STEAP1B: variants seen among roughly 807,000 people sequenced by gnomAD.
STEAP1B encodes the protein STEAP family member 1B, also known as STEAP family protein MGC87042.
A neutral mutation model predicts 27.9 loss-of-function variants in STEAP1B; 13 were observed. The observed-to-expected ratio is 0.47, with a 90% CI of 0.30 to 0.74. STEAP1B has a LOEUF of 0.74. Ranked by LOEUF, STEAP1B falls within the 30% of genes least tolerant of loss-of-function variation. The pLI, the probability that STEAP1B is intolerant of heterozygous loss-of-function variation, is 0.06. For missense variants in STEAP1B, 250 were observed against 298.7 expected, an observed-to-expected ratio of 0.84 and a Z score of 1.20; for synonymous variants, 86 against 107.1, an observed-to-expected ratio of 0.80 and a Z score of 1.22.
At chr7:22,464,079 G>T (rs557187629) in intron 4 of STEAP1B, among the ~76,000 whole-genome samples, 1 of 152,334 alleles carries the variant, frequency 6.6e-6, no homozygotes, top group East Asian at 1.9e-4. Context: ...CTAATATCCA[G>T]AATCTACAAT....
In STEAP1B at chr7:22,492,744, A is replaced by G. The variant is rs1786353015; in HGVS notation, c.598-15T>C. ...TTTTGTTGGACCTACCAGAAGGTAA[A>G]TAAAGAAAGAAGAAATGCAAACAAC... On this transcript the variant is annotated splice_polypyrimidine_tract_variant and intron_variant, in intron 3 of 4. Coordinates refer to ENST00000678116, the MANE Select transcript of STEAP1B (RefSeq NM_001382447.1). The G allele has an allele frequency of 6.3e-7, 1 of 1,575,722 alleles. No individual in the cohort carries two copies. Among genetic ancestry groups the G allele is most frequent in the Admixed American group, 1.9e-5 (1 of 52,660 alleles).
intron 4 of STEAP1B, among the ~76,000 whole-genome samples, chr7:22,489,460 G>A (rs890578067): frequency 2.6e-5 from 4 of 152,138 alleles, no homozygotes; most frequent in Non-Finnish European, 5.9e-5. Flanking sequence ...ATAAGCCCAA[G>A]TACCTGTGAC....
intron 4 of STEAP1B, among the ~76,000 whole-genome samples, chr7:22,491,896 T>C (rs1189372348): frequency 6.6e-6 from 1 of 152,106 alleles, no homozygotes; most frequent in Non-Finnish European, 1.5e-5. Flanking sequence ...GACAGTAATA[T>C]GAGGATGTTT....
At chr7:22,462,459 C>T (rs942799148) in intron 4 of STEAP1B, among the ~76,000 whole-genome samples, 5 of 129,262 alleles carry the variant, frequency 3.9e-5, no homozygotes, top group African/African-American at 1.5e-4. Context: ...TCAATTCCCA[C>T]CTATGAGTGA....
chr7:22,419,524 C>A lies in STEAP1B; in HGVS notation c.*280G>T. ...AACACATTTGATTATCATGTCTGAT[C>A]CTCGTGTCGGGATAGGCTAGGTTAG... On this transcript the variant is annotated 3_prime_UTR_variant, in exon 5 of 5. Coordinates refer to ENST00000678116, the MANE Select transcript of STEAP1B (RefSeq NM_001382447.1). The A allele has an allele frequency of 3.7e-6, 1 of 271,102 alleles. No individual in the cohort carries two copies. The allele number at this position is 271,102 out of a possible 1,614,324, so 16.8% of individuals were successfully genotyped here.
chr7:22,425,946 G>A (rs897834585), intron 4 of STEAP1B, among the ~76,000 whole-genome samples: 7 of 152,200 alleles, frequency 4.6e-5, no homozygotes, highest in African/African-American at 1.7e-4. Context: ...AAGTTTCCTT[G>A]GAACCCTGGA....
chr7:22,467,753 G>A (rs565540838), intron 4 of STEAP1B, among the ~76,000 whole-genome samples: 6 of 152,166 alleles, frequency 3.9e-5, no homozygotes, highest in Non-Finnish European at 7.3e-5. Flanking sequence ...GGAACTGTGA[G>A]TCTATTAAAC....
intron 4 of STEAP1B, among the ~76,000 whole-genome samples, chr7:22,461,963 C>A (rs73268537): frequency 0.019 from 2,848 of 152,290 alleles, 113 homozygotes; most frequent in African/African-American, 0.066. Flanking sequence ...ACGTACCAGC[C>A]ACGTAGTAAA....
intron 4 of STEAP1B, among the ~76,000 whole-genome samples, chr7:22,487,998 G>T (rs1786244670): frequency 6.6e-6 from 1 of 152,054 alleles, no homozygotes; most frequent in Non-Finnish European, 1.5e-5. Context: ...AGGGTGACTG[G>T]CATTCTAACC....
intron 4 of STEAP1B, among the ~76,000 whole-genome samples, chr7:22,465,163 T>C (rs1036206368): frequency 1.3e-5 from 2 of 151,464 alleles, no homozygotes. Flanking sequence ...ATTGACAATA[T>C]GGAAACATTG....
chr7:22,457,315 G>C (rs1157927582), intron 4 of STEAP1B, among the ~76,000 whole-genome samples: 1 of 152,102 alleles, frequency 6.6e-6, no homozygotes, highest in Non-Finnish European at 1.5e-5. Context: ...CAGAAAAGGT[G>C]ATTACCCTGA....
At chr7:22,447,594 T>A (rs1785428060) in intron 4 of STEAP1B, among the ~76,000 whole-genome samples, 2 of 152,206 alleles carry the variant, frequency 1.3e-5, no homozygotes, top group South Asian at 4.1e-4. Flanking sequence ...AAATCACATT[T>A]GTGGGAGTAA....
At chr7:22,465,829 G>A (rs939583712) in intron 4 of STEAP1B, among the ~76,000 whole-genome samples, 19 of 152,126 alleles carry the variant, frequency 1.2e-4, no homozygotes, top group African/African-American at 4.6e-4. Context: ...TGAGATAACC[G>A]CATGGCCTGT....
At chr7:22,440,958 AT>A (rs1204130526) in intron 4 of STEAP1B, among the ~76,000 whole-genome samples, 27 of 150,276 alleles carry the variant, frequency 1.8e-4, no homozygotes, top group African/African-American at 6.1e-4. Context: ...GAATATTAAA[AT>A]ATATGTTAAA....
intron 4 of STEAP1B, among the ~76,000 whole-genome samples, chr7:22,476,177 G>A (rs77763650): frequency 7.9e-5 from 12 of 152,248 alleles, no homozygotes; most frequent in Non-Finnish European, 1.5e-4. Context: ...CCCAAACCCC[G>A]TTGTATTACT....
chr7:22,451,845 T>C (rs911932349), intron 4 of STEAP1B, among the ~76,000 whole-genome samples: 1 of 152,224 alleles, frequency 6.6e-6, no homozygotes. Context: ...TAGTGTTTTG[T>C]GGTTTTTTAA....
At chr7:22,490,661 T>A (rs1786306190) in intron 4 of STEAP1B, among the ~76,000 whole-genome samples, 1 of 152,224 alleles carries the variant, frequency 6.6e-6, no homozygotes, top group African/African-American at 2.4e-5. Flanking sequence ...GTCTTACATA[T>A]TTGGTAAGGT....
chr7:22,495,472 T>C (rs1467490042), intron 1 of STEAP1B: 2 of 143,820 alleles, frequency 1.4e-5, no homozygotes, highest in Non-Finnish European at 1.5e-5. Context: ...CCCAGTCTTC[T>C]GGTCAACCCT....
intron 4 of STEAP1B, among the ~76,000 whole-genome samples, chr7:22,441,630 C>G (rs10225006): frequency 0.14 from 21,207 of 152,260 alleles, 1,951 homozygotes; most frequent in Non-Finnish European, 0.2. Flanking sequence ...CATGGCCCCC[C>G]ACATCTCTTG....
Sources: gnomAD v4.1 joint callset for allele counts (sites outside exome capture counted in the v4.1 genomes callset) on GRCh38, gnomAD v4.1.1 for gene constraint, MANE v1.5 for transcripts, NCBI Gene and HGNC (gene_info 2026-07-23, HGNC 2026-07-21) for gene names.